LRRIQ1: variants seen among roughly 807,000 people sequenced by gnomAD.
LRRIQ1 encodes the protein leucine rich repeats and IQ motif containing 1, also known as leucine-rich repeat- and IQ domain-containing protein 1.
LRRIQ1 carries 210 observed loss-of-function variants against 211.9 expected under a neutral mutation model. That is an observed-to-expected ratio of 0.99 (90% CI 0.89 to 1.11). The LOEUF (loss-of-function observed/expected upper bound fraction) is 1.11, where lower values mean the gene tolerates loss of function less well. Ranked by LOEUF, LRRIQ1 falls within the 50% of genes most tolerant of loss-of-function variation. The probability of loss-of-function intolerance (pLI) is 0.00; values close to 1 mark genes in which losing one functional copy is unlikely to be tolerated. For synonymous variants in LRRIQ1, 699 were observed against 650.1 expected (o/e 1.08, Z -1.14); for missense variants, 2,136 against 1,939.5 (o/e 1.10, Z -1.90).
intron 1 of LRRIQ1, among the ~76,000 whole-genome samples, chr12:85,258,816 A>C (rs928243004): frequency 3.3e-5 from 5 of 152,022 alleles, no homozygotes; most frequent in Non-Finnish European, 7.4e-5. Flanking sequence ...CAGACACATA[A>C]TGTTGGGTAT....
At position 85,109,793 on chromosome 12, in the gene LRRIQ1, A is replaced by AC. The variant is rs538900427; in HGVS notation, c.3377+3182dup. 2.0e-3 allele frequency among the ~76,000 whole-genome samples: 304 copies of AC among 152,218 alleles called. 1 individual carries two copies. The highest frequency in any genetic ancestry group is 3.6e-3 in the Non-Finnish European group (244 of 68,006). Reference sequence around the variant, plus strand: ...CACCATTTTAAAACAAGGATATTCTACCCCTACCCCATACTGTGTGATCCT... The same window carrying AC: ...CACCATTTTAAAACAAGGATATTCTACCCCCTACCCCATACTGTGTGATCCT... On this transcript the variant is annotated intron_variant, in intron 15 of 26. Coordinates refer to ENST00000393217, the MANE Select transcript of LRRIQ1 (RefSeq NM_001079910.2).
At position 85,154,080 on chromosome 12, in the gene LRRIQ1, T is replaced by A. The variant is rs748123760; in HGVS notation, c.4706T>A (p.Leu1569Gln). Residue 1569 changes from leucine to glutamine, a missense_variant, in exon 23 of 27, where the codon CTA (leucine) becomes CAA (glutamine). By Grantham distance (113) the Leu-to-Gln change is moderately radical. Coordinates refer to ENST00000393217, the MANE Select transcript of LRRIQ1 (RefSeq NM_001079910.2). ...KRAQKMKSKKLKKKIDSTVRL... is the reference protein window; with the variant it reads ...KRAQKMKSKKQKKKIDSTVRL... ...GCACAGAAAATGAAATCGAAGAAAC[T>A]AAAGAAAAAAATAGGTGAGTAATTA... The A allele has an allele frequency of 6.4e-7, 1 of 1,563,498 alleles. No homozygotes were observed. The highest frequency in any genetic ancestry group is 1.8e-5 in the Admixed American group (1 of 55,836).
chr12:85,211,892 T>C (rs1038127917), intron 24 of LRRIQ1, among the ~76,000 whole-genome samples: 1 of 152,130 alleles, frequency 6.6e-6, no homozygotes, highest in Non-Finnish European at 1.5e-5. Context: ...TTCTACTAAA[T>C]TAAGAATCAT....
Position 85,124,093 on chromosome 12 carries a change from C to T in LRRIQ1, c.3581C>T (p.Ala1194Val). Reference sequence around the variant, plus strand: ...AGAGATGTATTTACCTTGGATACTGCAGAAAATCTCTGTCATTATTTTAAG... The same window carrying T: ...AGAGATGTATTTACCTTGGATACTGTAGAAAATCTCTGTCATTATTTTAAG... The part of the protein sequence containing the change: ...GKGDVFTLDT[A>V]ENLCHYFKKL... Residue 1194 changes from alanine (A) to valine (V), a missense_variant, in exon 17 of 27, where the codon GCA (alanine) becomes GTA (valine). Physicochemically the swap from Ala to Val is moderately conservative, Grantham distance 64. Coordinates refer to ENST00000393217, the MANE Select transcript of LRRIQ1 (RefSeq NM_001079910.2). The T allele has an allele frequency of 6.2e-7, 1 of 1,611,926 alleles. No homozygotes were observed. Among genetic ancestry groups the T allele is most frequent in the South Asian group, 1.1e-5 (1 of 91,020 alleles).
At chr12:85,225,050 T>G (rs998322226) in intron 24 of LRRIQ1, among the ~76,000 whole-genome samples, 3 of 152,084 alleles carry the variant, frequency 2.0e-5, no homozygotes, top group African/African-American at 7.2e-5. Context: ...GCCTCTCATA[T>G]CCATGGGTTC....
At chr12:85,065,849 A>T (rs936581183) in intron 9 of LRRIQ1, among the ~76,000 whole-genome samples, 7 of 151,790 alleles carry the variant, frequency 4.6e-5, no homozygotes, top group Admixed American at 2.0e-4. Flanking sequence ...CACTTACCTT[A>T]TATGTCTGCT....
At chr12:85,052,844 T>A (rs756722768) in intron 7 of LRRIQ1, among the ~76,000 whole-genome samples, 5 of 151,824 alleles carry the variant, frequency 3.3e-5, no homozygotes, top group Non-Finnish European at 7.4e-5. Context: ...AGAGACAGAG[T>A]CATATGAATG....
chr12:85,261,764 A>ATTTT (rs1555231832), intron 1 of LRRIQ1, among the ~76,000 whole-genome samples: 1 of 109,688 alleles, frequency 9.1e-6, no homozygotes, highest in Non-Finnish European at 1.9e-5. Flanking sequence ...TTTTTTGTTT[A>ATTTT]TTTTATTTAT....
intron 24 of LRRIQ1, among the ~76,000 whole-genome samples, chr12:85,173,674 G>A (rs1482088939): frequency 6.6e-6 from 1 of 152,034 alleles, no homozygotes; most frequent in Non-Finnish European, 1.5e-5. Flanking sequence ...GAGAGAGAGA[G>A]AGAGAGAGGT....
At chr12:85,262,879 A>AT in intron 1 of LRRIQ1, 1 of 926,970 alleles carries the variant, frequency 1.1e-6, no homozygotes, top group Non-Finnish European at 1.3e-6. Context: ...TTTGGTTCAT[A>AT]TTCAGTGAAA....
chr12:85,157,147 G>A (rs1329399341), intron 23 of LRRIQ1, among the ~76,000 whole-genome samples: 1 of 151,874 alleles, frequency 6.6e-6, no homozygotes, highest in Non-Finnish European at 1.5e-5. Context: ...CAGTTGCAGA[G>A]AGAGGGAAGA....
At chr12:85,189,372 C>G (rs1440820572) in intron 24 of LRRIQ1, among the ~76,000 whole-genome samples, 1 of 152,042 alleles carries the variant, frequency 6.6e-6, no homozygotes, top group Non-Finnish European at 1.5e-5. Context: ...TTACTGCTCT[C>G]TGATGTCTGT....
intron 19 of LRRIQ1, among the ~76,000 whole-genome samples, chr12:85,147,120 G>A (rs1016924680): frequency 2.0e-5 from 3 of 151,734 alleles, no homozygotes; most frequent in Non-Finnish European, 4.4e-5. Context: ...ACAATCAAAT[G>A]GTACAGAAAA....
chr12:85,242,817 T>G, intron 26 of LRRIQ1, among the ~76,000 whole-genome samples: 1 of 151,908 alleles, frequency 6.6e-6, no homozygotes, highest in East Asian at 1.9e-4. Context: ...GTAATTTTAC[T>G]TCTAAAGTTT....
At chr12:85,134,742 T>G (rs575711839) in intron 18 of LRRIQ1, among the ~76,000 whole-genome samples, 1 of 152,178 alleles carries the variant, frequency 6.6e-6, no homozygotes, top group African/African-American at 2.4e-5. Flanking sequence ...AAGTGCACTA[T>G]CTGTGACTTT....
intron 7 of LRRIQ1, among the ~76,000 whole-genome samples, chr12:85,052,995 T>C (rs994043772): frequency 6.6e-6 from 1 of 152,068 alleles, no homozygotes; most frequent in Admixed American, 6.5e-5. Context: ...ATAGCATCTA[T>C]AATGAAGTAC....
chr12:85,218,534 A>G (rs1181779278), intron 24 of LRRIQ1, among the ~76,000 whole-genome samples: 1 of 152,150 alleles, frequency 6.6e-6, no homozygotes, highest in African/African-American at 2.4e-5. Context: ...TTTACCCAAC[A>G]TTATACAGCT....
At chr12:85,087,323 T>A (rs573552891) in intron 11 of LRRIQ1, among the ~76,000 whole-genome samples, 2 of 152,314 alleles carry the variant, frequency 1.3e-5, no homozygotes, top group South Asian at 4.1e-4. Flanking sequence ...TGTGCCACAT[T>A]TTCTTAATCC....
At chr12:85,226,430 T>A (rs1449540199) in intron 24 of LRRIQ1, among the ~76,000 whole-genome samples, 2 of 152,110 alleles carry the variant, frequency 1.3e-5, no homozygotes, top group Non-Finnish European at 2.9e-5. Flanking sequence ...TAGCTGGGGT[T>A]TTGCTAGAAA....
Sources: gnomAD v4.1 joint callset for allele counts (sites outside exome capture counted in the v4.1 genomes callset) on GRCh38, gnomAD v4.1.1 for gene constraint, MANE v1.5 for transcripts, NCBI Gene and HGNC (gene_info 2026-07-23, HGNC 2026-07-21) for gene names.